MSH3: variants seen among roughly 807,000 people sequenced by gnomAD.
MSH3 encodes DNA mismatch repair protein Msh3.
MSH3 carries 106 observed loss-of-function variants against 123.3 expected under a neutral mutation model. The observed-to-expected ratio is 0.86, with a 90% confidence interval of 0.73 to 1.01. The LOEUF (loss-of-function observed/expected upper bound fraction) is 1.01. Among genes scored for constraint, MSH3 ranks in the 50% least tolerant of loss-of-function variants. MSH3 has a pLI of 0.00. For missense variants in MSH3, 1,459 were observed against 1,347.6 expected, an observed-to-expected ratio of 1.08 and a Z score of -1.29; for synonymous variants, 515 against 481.4, an observed-to-expected ratio of 1.07 and a Z score of -0.91.
intron 20 of MSH3, among the ~76,000 whole-genome samples, chr5:80,835,167 A>G (rs1561493563): frequency 6.6e-6 from 1 of 152,256 alleles, no homozygotes; most frequent in Non-Finnish European, 1.5e-5. Context: ...GAGCTTGAGC[A>G]AGAAGAAAAA....
At chr5:80,674,170 A>G (rs554631742) in intron 6 of MSH3, among the ~76,000 whole-genome samples, 3 of 152,232 alleles carry the variant, frequency 2.0e-5, no homozygotes, top group African/African-American at 7.2e-5. Flanking sequence ...TTTGAAGCCC[A>G]TTTCTAGTAC....
intron 16 of MSH3, among the ~76,000 whole-genome samples, chr5:80,777,864 G>A (rs943893286): frequency 1.3e-5 from 2 of 152,068 alleles, no homozygotes; most frequent in Non-Finnish European, 1.5e-5. Context: ...TAACAGCAGT[G>A]GCAACCGCCA....
At chr5:80,741,100 C>A (rs1743605796) in intron 10 of MSH3, among the ~76,000 whole-genome samples, 1 of 152,202 alleles carries the variant, frequency 6.6e-6, no homozygotes, top group Non-Finnish European at 1.5e-5. Context: ...ACATATTTTT[C>A]TAGCTGATTA....
chr5:80,696,771 A>G (rs1750492355), intron 8 of MSH3, among the ~76,000 whole-genome samples: 13 of 152,170 alleles, frequency 8.5e-5, no homozygotes, highest in Admixed American at 8.5e-4. Flanking sequence ...TCTATGTATA[A>G]ATGAACTTTG....
chr5:80,725,478 G>C lies in MSH3; in HGVS notation c.1366G>C (p.Glu456Gln), dbSNP rs963234468. The C allele has an allele frequency of 6.2e-7, 1 of 1,613,454 alleles. No individual in the cohort carries two copies. The highest frequency in any genetic ancestry group is 8.5e-7 in the Non-Finnish European group (1 of 1,179,838). ...VSVQDDRIRV[E>Q]RMDNIYFEYS... ...TGTGCAGGATGACAGAATTCGAGTC[G>C]AAAGGATGGATAACATTTATTTTGA... The change falls in exon 9 of 24, where the codon GAA (glutamate) becomes CAA (glutamine). Residue 456 changes from glutamate to glutamine, a missense_variant. Transcript: ENST00000265081.
chr5:80,749,073 A>G (rs752012397), intron 12 of MSH3, among the ~76,000 whole-genome samples: 10 of 152,136 alleles, frequency 6.6e-5, no homozygotes, highest in Non-Finnish European at 1.2e-4. Context: ...TTGACAAATA[A>G]TTGTATATAT....
Position 80,761,620 on chromosome 5 carries a change from A to G in MSH3, c.1838A>G (p.Asn613Ser). ...TCTAGTGTGTTTGGTCAGATAGAAA[A>G]TCATCTACGTAAATTGCCCGACATA... The part of the protein sequence containing the change: ...SESSVFGQIE[N>S]HLRKLPDIER... Residue 613 changes from asparagine (N) to serine (S), a missense_variant, in exon 13 of 24, where the codon AAT (asparagine) becomes AGT (serine). Coordinates refer to ENST00000265081, the MANE Select transcript of MSH3 (RefSeq NM_002439.5). The G allele has an allele frequency of 6.2e-7, 1 of 1,614,156 alleles. No homozygotes were observed. The highest frequency in any genetic ancestry group is 1.3e-5 in the African/African-American group (1 of 75,044).
In MSH3 at chr5:80,788,832, A is replaced by T. The variant is rs187272213; in HGVS notation, c.2543+1160A>T. ...AAAAAAAAAAAGAGAGATAGAATTT[A>T]AAAAATACAAAATTAAATAAAGTTG... is the stretch of plus-strand genomic sequence containing the variant. On this transcript the variant is annotated intron_variant, in intron 18 of 23. Transcript: ENST00000265081. 3.9e-5 allele frequency among the ~76,000 whole-genome samples: 6 copies of T among 151,958 alleles called. No homozygotes were observed. The East Asian group carries it at 9.7e-4, about 24-fold the overall frequency.
At chr5:80,719,116 C>T (rs1362479496) in intron 8 of MSH3, among the ~76,000 whole-genome samples, 3 of 150,984 alleles carry the variant, frequency 2.0e-5, no homozygotes, top group African/African-American at 7.3e-5. Context: ...GGTGCGATCT[C>T]GGCTCAGTGC....
chr5:80,766,125 T>C (rs1411466102), intron 13 of MSH3, among the ~76,000 whole-genome samples: 1 of 152,088 alleles, frequency 6.6e-6, no homozygotes, highest in African/African-American at 2.4e-5. Context: ...ATGGAAGATA[T>C]TATTAATATT....
chr5:80,759,420 G>A (rs1293699713), intron 12 of MSH3, among the ~76,000 whole-genome samples: 2 of 152,156 alleles, frequency 1.3e-5, no homozygotes, highest in Non-Finnish European at 2.9e-5. Context: ...AACCTTCTAG[G>A]CAAAGTAAGC....
At chr5:80,721,782 A>T (rs1388970631) in intron 8 of MSH3, among the ~76,000 whole-genome samples, 1 of 152,230 alleles carries the variant, frequency 6.6e-6, no homozygotes, top group East Asian at 1.9e-4. Context: ...AAAATATTAT[A>T]TCAAGGAAAA....
At chr5:80,802,356 A>T (rs944259368) in intron 19 of MSH3, among the ~76,000 whole-genome samples, 6 of 151,746 alleles carry the variant, frequency 4.0e-5, no homozygotes, top group Non-Finnish European at 7.4e-5. Flanking sequence ...TCTCTGTTGT[A>T]TCTACTCTTT....
chr5:80,767,969 T>G lies in MSH3; in HGVS notation c.1933T>G (p.Leu645Val). The G allele has an allele frequency of 6.2e-7, 1 of 1,613,238 alleles. No individual in the cohort carries two copies. The highest frequency in any genetic ancestry group is 8.5e-7 in the Non-Finnish European group (1 of 1,179,294). Reference protein sequence around the residue: ...TQEFFLIVKTLYHLKSEFQAI... With the variant: ...TQEFFLIVKTVYHLKSEFQAI... ...AGAGTTCTTCTTGATTGTCAAAACT[T>G]TATATCACCTAAAGTCAGAATTTCA... Residue 645 changes from leucine (L) to valine (V), a missense_variant, in exon 14 of 24, where the codon TTA becomes GTA. Leu to Val is a conservative substitution (Grantham distance 32). Coordinates refer to ENST00000265081, the MANE Select transcript of MSH3 (RefSeq NM_002439.5).
chr5:80,707,847 T>C (rs1750757875), intron 8 of MSH3, among the ~76,000 whole-genome samples: 1 of 152,258 alleles, frequency 6.6e-6, no homozygotes, highest in Admixed American at 6.5e-5. Context: ...CTGACTCTTG[T>C]CAGTCTTTTA....
Position 80,672,932 on chromosome 5 carries a change from G to C in MSH3, c.1027+74G>C, listed in dbSNP as rs1749756025. The C allele has an allele frequency of 6.4e-6, 8 of 1,248,828 alleles. No homozygotes were observed. In the South Asian group the frequency reaches 9.6e-5, roughly 15 times the overall value. The allele number at this position is 1,248,828 out of a possible 1,614,324, so 77.4% of individuals were successfully genotyped here. On this transcript the variant is annotated intron_variant, in intron 6 of 23. Transcript: ENST00000265081. ...GTTGGCAGGTTTTGTTTGTTTGTTT[G>C]TTTGTTTTTTAGTTGCTCTTTGGGA...
chr5:80,763,096 C>A (rs186681042), intron 13 of MSH3, among the ~76,000 whole-genome samples: 1 of 152,324 alleles, frequency 6.6e-6, no homozygotes, highest in African/African-American at 2.4e-5. Context: ...ATCCACCCGC[C>A]TCGGCCTCCC....
chr5:80,663,356 A>G (rs999605869), intron 2 of MSH3, among the ~76,000 whole-genome samples: 2 of 152,214 alleles, frequency 1.3e-5, no homozygotes, highest in Non-Finnish European at 2.9e-5. Flanking sequence ...CAGTTTCAGC[A>G]GCTAGGCTTG....
At chr5:80,769,122 T>C (rs903392261) in intron 15 of MSH3, 119 bp downstream of exon 15, 7 of 897,060 alleles carry the variant, frequency 7.8e-6, no homozygotes. Context: ...TTCTGTTTTA[T>C]TCCTTGGAAA....
Sources: allele counts gnomAD v4.1 joint callset (sites outside exome capture counted in the v4.1 genomes callset), GRCh38; gene constraint gnomAD v4.1.1; transcripts MANE v1.5; gene names NCBI Gene and HGNC (gene_info 2026-07-23, HGNC 2026-07-21).